Variants in COBL observed in about 807,000 individuals in gnomAD.
The protein encoded by COBL is protein cordon-bleu.
A neutral mutation model predicts 98.8 loss-of-function variants in COBL; 51 were observed. That is an observed-to-expected ratio of 0.52 (90% CI 0.41 to 0.65). COBL has a LOEUF of 0.65. Ranked by LOEUF, COBL falls within the 30% of genes least tolerant of loss-of-function variation. The pLI is 0.00. For missense variants in COBL, 1,617 were observed against 1,617.5 expected, an observed-to-expected ratio of 1.00 and a Z score of 0.01; for synonymous variants, 634 against 651.7, an observed-to-expected ratio of 0.97 and a Z score of 0.41.
intron 8 of COBL, among the ~76,000 whole-genome samples, chr7:51,042,310 T>A (rs1387009636): frequency 1.3e-5 from 2 of 152,198 alleles, no homozygotes; most frequent in Non-Finnish European, 2.9e-5. Flanking sequence ...TGTAAATAAC[T>A]GACAAAGGAG....
chr7:51,090,117 T>C (rs1413943304), intron 6 of COBL, among the ~76,000 whole-genome samples: 1 of 152,156 alleles, frequency 6.6e-6, no homozygotes, highest in Non-Finnish European at 1.5e-5. Context: ...ATACAACACA[T>C]AAAATTCAGT....
At chr7:51,135,114 C>A (rs551505483) in intron 6 of COBL, among the ~76,000 whole-genome samples, 1 of 152,108 alleles carries the variant, frequency 6.6e-6, no homozygotes, top group Non-Finnish European at 1.5e-5. Flanking sequence ...AGGCGTGCAC[C>A]ACCATGCCTG....
chr7:51,162,883 T>C (rs1786960348), intron 5 of COBL, among the ~76,000 whole-genome samples: 1 of 152,220 alleles, frequency 6.6e-6, no homozygotes, highest in Non-Finnish European at 1.5e-5. Flanking sequence ...GTTACCCTGT[T>C]TGCACAAAGA....
chr7:51,156,386 T>C, intron 5 of COBL: 1 of 985,372 alleles, frequency 1.0e-6, no homozygotes, highest in Non-Finnish European at 1.2e-6. Flanking sequence ...GAAATGTCCC[T>C]TTCTGAAAGC....
chr7:51,144,844 G>A (rs1281134080), intron 5 of COBL, among the ~76,000 whole-genome samples: 1 of 152,194 alleles, frequency 6.6e-6, no homozygotes. Context: ...ATGTTTTGAA[G>A]GTTTGCTCAC....
intron 5 of COBL, among the ~76,000 whole-genome samples, chr7:51,167,922 T>C (rs182961160): frequency 5.8e-4 from 89 of 152,266 alleles, no homozygotes; most frequent in Non-Finnish European, 1.0e-3. Context: ...TCAAAATTGA[T>C]TTAAGACTTA....
chr7:51,037,565 C>T (rs1236415914), intron 8 of COBL, among the ~76,000 whole-genome samples: 2 of 152,234 alleles, frequency 1.3e-5, no homozygotes, highest in African/African-American at 4.8e-5. Context: ...GTGAGGCACA[C>T]AGGACCTTCC....
chr7:51,034,180 T>C (rs1788408658), intron 8 of COBL: 1 of 152,502 alleles, frequency 6.6e-6, no homozygotes, highest in African/African-American at 2.4e-5. Flanking sequence ...TACCTCTGCA[T>C]CCCACCTCTG....
chr7:51,164,449 G>T (rs1457089912), intron 5 of COBL, among the ~76,000 whole-genome samples: 1 of 152,112 alleles, frequency 6.6e-6, no homozygotes, highest in Non-Finnish European at 1.5e-5. Flanking sequence ...TTACAGGCCA[G>T]GAGAGAGTGA....
At chr7:51,242,320 G>A (rs1795863964) in intron 1 of COBL, among the ~76,000 whole-genome samples, 1 of 152,144 alleles carries the variant, frequency 6.6e-6, no homozygotes, top group Admixed American at 6.5e-5. Flanking sequence ...CTGTAACCAG[G>A]CTCTTGAGCT....
chr7:51,109,443 G>A (rs1020519544), intron 6 of COBL, among the ~76,000 whole-genome samples: 2 of 152,030 alleles, frequency 1.3e-5, no homozygotes, highest in African/African-American at 4.8e-5. Context: ...CATCTCGCTC[G>A]CCACCTTCAC....
chr7:51,314,471 C>T (rs1803344260), intron 1 of COBL, among the ~76,000 whole-genome samples: 1 of 152,168 alleles, frequency 6.6e-6, no homozygotes, highest in African/African-American at 2.4e-5. Context: ...TGTACTAAAG[C>T]CACAAATTTC....
At chr7:51,128,924 C>T (rs146850337) in intron 6 of COBL, among the ~76,000 whole-genome samples, 7 of 152,328 alleles carry the variant, frequency 4.6e-5, no homozygotes, top group East Asian at 3.9e-4. Flanking sequence ...TGCCCGACCT[C>T]GCACTGAGGG....
chr7:51,192,331 G>T (rs1790197570), intron 3 of COBL, among the ~76,000 whole-genome samples: 1 of 152,178 alleles, frequency 6.6e-6, no homozygotes, highest in African/African-American at 2.4e-5. Context: ...AATAAAGCTG[G>T]GTATGGTGGT....
chr7:51,213,124 T>C (rs1277585563), intron 2 of COBL, among the ~76,000 whole-genome samples: 1 of 152,210 alleles, frequency 6.6e-6, no homozygotes, highest in African/African-American at 2.4e-5. Context: ...TCTGTGGCCC[T>C]AAGCTCTGGA....
chr7:51,109,135 T>C (rs1316654960), intron 6 of COBL, among the ~76,000 whole-genome samples: 1 of 152,202 alleles, frequency 6.6e-6, no homozygotes, highest in African/African-American at 2.4e-5. Context: ...AGGCAGCCTC[T>C]TCCCTCCTTG....
chr7:51,196,946 A>G (rs960922946), intron 2 of COBL, among the ~76,000 whole-genome samples: 3 of 150,132 alleles, frequency 2.0e-5, no homozygotes, highest in Admixed American at 6.6e-5. Context: ...CTAGCAGTCT[A>G]TTTTATTAAT....
At chr7:51,092,350 T>C (rs1794892273) in intron 6 of COBL, among the ~76,000 whole-genome samples, 1 of 152,228 alleles carries the variant, frequency 6.6e-6, no homozygotes, top group African/African-American at 2.4e-5. Flanking sequence ...AATAAATCAA[T>C]GCCGAGGCCA....
intron 7 of COBL, among the ~76,000 whole-genome samples, chr7:51,078,189 T>C (rs1793269954): frequency 1.3e-5 from 2 of 152,184 alleles, no homozygotes; most frequent in Admixed American, 6.5e-5. Flanking sequence ...TGCCAAAGAA[T>C]TGGGTCAGTG....
Sources: allele counts gnomAD v4.1 joint callset (sites outside exome capture counted in the v4.1 genomes callset), GRCh38; gene constraint gnomAD v4.1.1; transcripts MANE v1.5; gene names NCBI Gene and HGNC (gene_info 2026-07-23, HGNC 2026-07-21).